Variants in MYH11 observed in about 807,000 individuals in gnomAD.
The protein encoded by MYH11 is myosin heavy chain 11, also known as myosin-11.
A neutral mutation model predicts 246.6 loss-of-function variants in MYH11; 80 were observed. The ratio of observed to expected loss-of-function variants is 0.32; its 90% CI spans 0.27 to 0.39. The LOEUF is 0.39. MYH11 is among the 10% of genes least tolerant of loss of function. The pLI is 1.00. For missense variants in MYH11, 2,158 were observed against 2,546.8 expected (o/e 0.85, Z 3.29); for synonymous variants, 1,071 against 1,015.5 (o/e 1.05, Z -1.04).
chr16:15,724,571 C>T lies in MYH11; in HGVS notation c.4116+76G>A, dbSNP rs549021277. Reference sequence around the variant, plus strand: ...GCACCATCGCACCAACACTCCACCGCGATCTGCCTGCGGGGGATCTCAGCG... The same window carrying T: ...GCACCATCGCACCAACACTCCACCGTGATCTGCCTGCGGGGGATCTCAGCG... On this transcript the variant is annotated intron_variant, in intron 30 of 40. Coordinates refer to ENST00000300036, the MANE Select transcript of MYH11 (RefSeq NM_002474.3). 381 of 1,610,774 alleles carry T rather than the reference C, an allele frequency of 2.4e-4. 1 individual carries two copies. The Middle Eastern group carries it at 2.6e-3, about 11-fold the overall frequency.
chr16:15,855,407 C>T (rs890920522), intron 1 of MYH11, among the ~76,000 whole-genome samples: 3 of 152,182 alleles, frequency 2.0e-5, no homozygotes, highest in Admixed American at 6.5e-5. Flanking sequence ...AGAAACCTGA[C>T]CCCAACAAGT....
At position 15,771,723 on chromosome 16, in the gene MYH11, A is replaced by T; in HGVS notation, c.890-11T>A. 1.2e-6 allele frequency: 2 copies of T among 1,614,148 alleles called. No homozygotes were observed. The highest frequency in any genetic ancestry group is 1.6e-4 in the Middle Eastern group (1 of 6,062). On this transcript the variant is annotated splice_polypyrimidine_tract_variant and intron_variant, in intron 8 of 40. Coordinates refer to ENST00000300036, the MANE Select transcript of MYH11 (RefSeq NM_002474.3). The stretch of plus-strand genomic sequence containing the variant: ...CCAAAAGCAAGTCACCTAGAAGGAG[A>T]GGAAGACAGGTCAGGGTCAATAAGA...
At chr16:15,735,642 G>A (rs2041096761) in intron 25 of MYH11, 64 bp from the exon 26 acceptor site, 2 of 1,552,634 alleles carry the variant, frequency 1.3e-6, no homozygotes, top group Non-Finnish European at 1.8e-6. Context: ...TTACAATGTG[G>A]CCAAAAACTT....
Position 15,728,891 on chromosome 16 carries a change from C to CTT in MYH11, c.3652-1839_3652-1838dup, listed in dbSNP as rs201023456. Among the ~76,000 whole-genome samples, 1,102 of 151,690 alleles carry CTT rather than the reference C, an allele frequency of 7.3e-3. 13 individuals are homozygous for CTT. Among genetic ancestry groups the CTT allele is most frequent in the African/African-American group, 0.026 (1,071 of 41,306 alleles). On this transcript the variant is annotated intron_variant, in intron 27 of 40. Coordinates refer to ENST00000300036, the MANE Select transcript of MYH11 (RefSeq NM_002474.3). The stretch of plus-strand genomic sequence containing the variant: ...CTCCAGCCTGGGCGACAGAGTGAGA[C>CTT]TTTGTCTCAAAAAAAAAAGCGTGTT...
In MYH11 at chr16:15,708,953, C is replaced by T. The variant is rs1040957489; in HGVS notation, c.5787-4830G>A. 26 of 1,157,862 alleles carry T rather than the reference C, an allele frequency of 2.2e-5. No homozygotes were observed. In the African/African-American group the frequency reaches 3.1e-4, roughly 14 times the overall value. 71.7% of individuals were successfully genotyped at this position (1,157,862 alleles called of 1,614,324 possible). On this transcript the variant is annotated intron_variant, in intron 40 of 40. Coordinates refer to ENST00000300036, the MANE Select transcript of MYH11 (RefSeq NM_002474.3). ...TGCTTCGATTTAATAATTAAAGGCACTCTTTTTTATTTTGAGATAGTCTCT... is the reference window on the plus strand; with the variant it reads ...TGCTTCGATTTAATAATTAAAGGCATTCTTTTTTATTTTGAGATAGTCTCT...
intron 13 of MYH11, 120 bp from the exon 14 acceptor site, chr16:15,756,634 C>T: frequency 1.9e-6 from 2 of 1,041,684 alleles, no homozygotes; most frequent in South Asian, 1.3e-5. Flanking sequence ...TGTATTTGCC[C>T]ACATATAAAG....
intron 7 of MYH11, among the ~76,000 whole-genome samples, chr16:15,777,312 G>C (rs1423298959): frequency 6.6e-6 from 1 of 152,130 alleles, no homozygotes; most frequent in African/African-American, 2.4e-5. Context: ...AGTAGAGACA[G>C]GGTTTCACCA....
At chr16:15,708,057 C>T (rs2039560279) in intron 40 of MYH11, among the ~76,000 whole-genome samples, 1 of 151,828 alleles carries the variant, frequency 6.6e-6, no homozygotes. Context: ...TCTTGGGTAT[C>T]CACTCCCCAG....
intron 22 of MYH11, 93 bp downstream of exon 22, chr16:15,741,370 C>G: frequency 7.3e-7 from 1 of 1,371,526 alleles, no homozygotes; most frequent in Non-Finnish European, 1.0e-6. Flanking sequence ...TCTGTCCCAG[C>G]AGGGACACAT....
chr16:15,837,011 C>T (rs1256581774), intron 2 of MYH11, among the ~76,000 whole-genome samples: 1 of 152,210 alleles, frequency 6.6e-6, no homozygotes, highest in African/African-American at 2.4e-5. Context: ...AGGCATGAGT[C>T]GCCAAACCTG....
At chr16:15,712,791 C>T (rs1277327874) in intron 40 of MYH11, 1 of 138,362 alleles carries the variant, frequency 7.2e-6, no homozygotes, top group Admixed American at 7.2e-5. Context: ...GCTGCCCTGT[C>T]AGGGGACCTC....
chr16:15,715,426 T>A (rs147415093), intron 38 of MYH11, among the ~76,000 whole-genome samples, 154 bp from the exon 39 acceptor site: 3 of 152,078 alleles, frequency 2.0e-5, no homozygotes. Flanking sequence ...TATTCAGCCA[T>A]GAAAAGGAAT....
At chr16:15,853,215 G>T (rs1025868094) in intron 1 of MYH11, among the ~76,000 whole-genome samples, 4 of 151,916 alleles carry the variant, frequency 2.6e-5, no homozygotes, top group African/African-American at 9.7e-5. Context: ...ATGCAATCAG[G>T]GCCCACGGCA....
chr16:15,732,737 G>T, intron 26 of MYH11, 29 bp from the exon 27 acceptor site: 2 of 1,613,904 alleles, frequency 1.2e-6, no homozygotes, highest in Non-Finnish European at 1.7e-6. Flanking sequence ...GTGAATGGCA[G>T]TTGGGTGGAG....
At chr16:15,756,565 A>G (rs749812734) in intron 13 of MYH11, 51 bp from the exon 14 acceptor site, 2 of 1,603,794 alleles carry the variant, frequency 1.2e-6, no homozygotes, top group Non-Finnish European at 1.7e-6. Flanking sequence ...AACCTCAGGC[A>G]TTCCATGAAG....
At chr16:15,785,220 G>A (rs1567759708) in intron 5 of MYH11, 1 of 154,708 alleles carries the variant, frequency 6.5e-6, no homozygotes, top group Admixed American at 6.4e-5. Flanking sequence ...GGCCACATTA[G>A]GCTCCTTAAA....
chr16:15,714,868 G>A (rs1260374886), intron 40 of MYH11, 41 bp downstream of exon 40: 1 of 1,611,038 alleles, frequency 6.2e-7, no homozygotes, highest in African/African-American at 1.3e-5. Context: ...GCTTTTCTCT[G>A]GCCTGAGAGA....
At chr16:15,815,386 T>C (rs946765957) in intron 3 of MYH11, among the ~76,000 whole-genome samples, 1 of 152,010 alleles carries the variant, frequency 6.6e-6, no homozygotes, top group Non-Finnish European at 1.5e-5. Flanking sequence ...AAAAATAAAA[T>C]AGAATTTTTG....
At chr16:15,807,299 CT>C (rs2043036427) in intron 3 of MYH11, among the ~76,000 whole-genome samples, 1 of 152,112 alleles carries the variant, frequency 6.6e-6, no homozygotes, top group Middle Eastern at 3.2e-3. Context: ...AGCTTCATGA[CT>C]TGCTTATCCT....
Sources: allele counts gnomAD v4.1 joint callset (sites outside exome capture counted in the v4.1 genomes callset), GRCh38; gene constraint gnomAD v4.1.1; transcripts MANE v1.5; gene names NCBI Gene and HGNC (gene_info 2026-07-23, HGNC 2026-07-21).